Variants in POLD1 observed in about 807,000 individuals in gnomAD.
POLD1 encodes DNA polymerase delta 1, catalytic subunit.
A neutral mutation model predicts 129.7 loss-of-function variants in POLD1; 79 were observed. That is an observed-to-expected ratio of 0.61 (90% CI 0.51 to 0.73). POLD1 has a LOEUF of 0.73. Among genes scored for constraint, POLD1 ranks in the 30% least tolerant of loss-of-function variants. POLD1 has a pLI of 0.00. For synonymous variants in POLD1, 714 were observed against 683.3 expected (o/e 1.04, Z -0.70); for missense variants, 1,338 against 1,595.8 (o/e 0.84, Z 2.75).
chr19:50,401,716 T>G, intron 3 of POLD1, 62 bp from the exon 4 acceptor site: 12 of 1,577,486 alleles, frequency 7.6e-6, no homozygotes, highest in Non-Finnish European at 9.5e-6. Flanking sequence ...TTCGAGGCTG[T>G]GGAGACACAC....
At chr19:50,394,648 C>T (rs1028952572) in intron 1 of POLD1, among the ~76,000 whole-genome samples, 6 of 151,538 alleles carry the variant, frequency 4.0e-5, no homozygotes, top group Admixed American at 1.3e-4. Context: ...AGTGAGACTC[C>T]GTCTAAAAAA....
At chr19:50,413,093 T>C (rs2039143319) in intron 17 of POLD1, among the ~76,000 whole-genome samples, 1 of 151,816 alleles carries the variant, frequency 6.6e-6, no homozygotes, top group Admixed American at 6.6e-5. Flanking sequence ...TCCTGTACCA[T>C]AGAGAGCTGC....
Position 50,406,929 on chromosome 19 carries a change from T to A in POLD1, c.1495-54T>A. The A allele has an allele frequency of 7.3e-7, 1 of 1,371,528 alleles. No individual in the cohort carries two copies. Among genetic ancestry groups the A allele is most frequent in the Non-Finnish European group, 9.9e-7 (1 of 1,006,024 alleles). The allele number at this position is 1,371,528 out of a possible 1,614,324, so 85.0% of individuals were successfully genotyped here. On this transcript the variant is annotated intron_variant, in intron 12 of 26. Coordinates refer to ENST00000440232, the MANE Select transcript of POLD1 (RefSeq NM_002691.4). The surrounding 1 kb of genome is among the most constrained non-coding windows in gnomAD (Gnocchi z 5.5). The stretch of plus-strand genomic sequence containing the variant: ...CCTGACCCCCACTTCCTTCTCCTGC[T>A]CCACCTCCCACCCCCAACCCCTGGT...
chr19:50,417,313 G>A (rs1476878248), intron 26 of POLD1, 44 bp downstream of exon 26: 6 of 1,398,216 alleles, frequency 4.3e-6, no homozygotes, highest in Non-Finnish European at 5.9e-6. Flanking sequence ...CCCCTTCCCA[G>A]CTCCCAGGCC....
chr19:50,401,397 T>TATATAA (rs1568618101), intron 3 of POLD1, among the ~76,000 whole-genome samples: 2 of 72,278 alleles, frequency 2.8e-5, no homozygotes, highest in African/African-American at 1.4e-4. Context: ...ATATATTTTT[T>TATATAA]TTTTTTTTTT....
At chr19:50,385,010 T>C (rs2037922517) in intron 1 of POLD1, among the ~76,000 whole-genome samples, 1 of 152,048 alleles carries the variant, frequency 6.6e-6, no homozygotes, top group South Asian at 2.1e-4. Context: ...GAAACACAGA[T>C]GAGGTCGGAG....
chr19:50,403,159 C>A lies in POLD1; in HGVS notation c.1077C>A (p.Pro359=). The A allele has an allele frequency of 6.4e-7, 1 of 1,561,860 alleles. No individual in the cohort carries two copies. The highest frequency in any genetic ancestry group is 8.7e-7 in the Non-Finnish European group (1 of 1,152,808). Residue 359 remains proline, a synonymous_variant, in exon 9 of 27, where the codon CCC becomes CCA. Transcript: ENST00000440232. ...TACGCCTGGCGCTCACCCTGCGGCC[C>A]TGTGCCCCCATCCTGGGTGCCAAGG... ...PFLRLALTLR[P]CAPILGAKVQ...
At chr19:50,397,451 A>C (rs141341796) in intron 1 of POLD1, among the ~76,000 whole-genome samples, 4,347 of 141,804 alleles carry the variant, frequency 0.031, 224 homozygotes, top group African/African-American at 0.11. Flanking sequence ...GTGGCCCAGG[A>C]TGGAGTACAA....
Position 50,417,969 on chromosome 19 carries a change from CG to C in POLD1, c.*27del. 4 of 1,129,898 alleles carry C rather than the reference CG, an allele frequency of 3.5e-6. No individual in the cohort carries two copies. The highest frequency in any genetic ancestry group is 1.3e-5 in the South Asian group (1 of 79,302). The allele number at this position is 1,129,898 out of a possible 1,614,324, so 70.0% of individuals were successfully genotyped here. A position where few individuals can be genotyped will look rare whatever the true frequency, so the allele number is the denominator to read the frequency against. The stretch of plus-strand genomic sequence containing the variant: ...GTGACCTTGCAAGCATCCCATGGGG[CG>C]GGGGCGGGACCAGGGAGAATTAATA... On this transcript the variant is annotated 3_prime_UTR_variant, in exon 27 of 27. Transcript: ENST00000440232.
In POLD1 at chr19:50,416,471, C is replaced by T. The variant is rs1601246491; in HGVS notation, c.2896C>T (p.Leu966Phe). The T allele has an allele frequency of 1.3e-6, 2 of 1,551,300 alleles. No homozygotes were observed. Among genetic ancestry groups the T allele is most frequent in the Admixed American group, 2.0e-5 (1 of 51,258 alleles). ...CCTGGAGCAGCAGCTGGCCAAGCCC[C>T]TCCTGCGCATCTTCGAGCCCATCCT... ...YYLEQQLAKP[L>F]LRIFEPILGE... The change falls in exon 23 of 27, where the codon CTC becomes TTC. Residue 966 changes from leucine (L) to phenylalanine (F), a missense_variant. Coordinates refer to ENST00000440232, the MANE Select transcript of POLD1 (RefSeq NM_002691.4).
intron 8 of POLD1, 113 bp downstream of exon 8, chr19:50,402,854 C>T (rs2038713558): frequency 7.0e-7 from 1 of 1,434,748 alleles, no homozygotes; most frequent in African/African-American, 1.4e-5. Flanking sequence ...GGCAGGAGCA[C>T]CCCAGCCCAT....
chr19:50,406,580 C>A lies in POLD1; in HGVS notation c.1494+63C>A. The A allele has an allele frequency of 7.9e-7, 1 of 1,258,634 alleles. No individual in the cohort carries two copies. The highest frequency in any genetic ancestry group is 1.1e-6 in the Non-Finnish European group (1 of 883,282). The allele number at this position is 1,258,634 out of a possible 1,614,324, so 78.0% of individuals were successfully genotyped here. On this transcript the variant is annotated intron_variant, in intron 12 of 26. Transcript: ENST00000440232. This position sits in a 1 kb window ranked among gnomAD's most constrained non-coding sequence, Gnocchi z 5.5. ...GACCTCCACCTCACCCTTCCCCGGC[C>A]TCTGACCTCAACTTCACGCCCCCAC...
At position 50,416,708 on chromosome 19, in the gene POLD1, G is replaced by C. The variant is rs745426056; in HGVS notation, c.3052G>C (p.Val1018Leu). 1 of 1,539,796 alleles carries C rather than the reference G, an allele frequency of 6.5e-7. No homozygotes were observed. Among genetic ancestry groups the C allele is most frequent in the South Asian group, 1.2e-5 (1 of 84,064 alleles). ...CAACTGCTGCATTGGCTGCCGCACA[G>C]TGCTCAGCCACCAGGGTGAGCGGCC... Reference protein sequence around the residue: ...RRNCCIGCRTVLSHQGAVCEF... With the variant: ...RRNCCIGCRTLLSHQGAVCEF... Residue 1018 changes from valine to leucine, a missense_variant, in exon 24 of 27, where the codon GTG becomes CTG. Around this residue, in one of 3 missense-constraint regions of POLD1, gnomAD observed 286 missense variants for 277.5 expected, o/e 1.03. Transcript: ENST00000440232.
chr19:50,411,946 G>A (rs1422910212), intron 17 of POLD1, among the ~76,000 whole-genome samples: 1 of 152,092 alleles, frequency 6.6e-6, no homozygotes, highest in African/African-American at 2.4e-5. Flanking sequence ...AGACCAGCCT[G>A]GGCAACATAG....
chr19:50,416,732 C>T lies in POLD1; in HGVS notation c.3067+9C>T, dbSNP rs2122498874. ...AGTGCTCAGCCACCAGGGTGAGCGG[C>T]CCTGGCCACTGGGCCCCCACTGGCC... On this transcript the variant is annotated intron_variant, in intron 24 of 26. Coordinates refer to ENST00000440232, the MANE Select transcript of POLD1 (RefSeq NM_002691.4). 6.6e-7 allele frequency: 1 copy of T among 1,521,910 alleles called. No individual in the cohort carries two copies. Among genetic ancestry groups the T allele is most frequent in the Non-Finnish European group, 8.8e-7 (1 of 1,135,014 alleles). 94.3% of individuals were successfully genotyped at this position (1,521,910 alleles called of 1,614,324 possible).
In POLD1 at chr19:50,407,049, C is replaced by T. The variant is rs1341055535; in HGVS notation, c.1561C>T (p.Arg521Trp). The T allele has an allele frequency of 2.1e-5, 34 of 1,613,610 alleles. No homozygotes were observed. The highest frequency in any genetic ancestry group is 2.2e-5 in the Non-Finnish European group (26 of 1,180,006). Reference protein sequence around the residue: ...YCLKDAYLPLRLLERLMVLVN... With the variant: ...YCLKDAYLPLWLLERLMVLVN... ...CCTGAAGGATGCCTACCTGCCACTG[C>T]GGCTGCTGGAGCGGCTCATGGTGCT... Residue 521 changes from arginine to tryptophan, a missense_variant, in exon 13 of 27, where the codon CGG becomes TGG. This residue lies in a region of POLD1 where 720 missense variants were observed against 1,002.6 expected (regional missense o/e 0.72). Coordinates refer to ENST00000440232, the MANE Select transcript of POLD1 (RefSeq NM_002691.4).
rs931024288 is a variant in POLD1 at position 50,415,975 on chromosome 19, G to A, written c.2820+149G>A. ...CCCATGGCAGCCTGGGTGTGGCCTC[G>A]GCCCCCTCTGGAGGTCCCCCCTCTA... On this transcript the variant is annotated intron_variant, in intron 22 of 26. Transcript: ENST00000440232. The A allele has an allele frequency of 4.1e-4, 253 of 624,554 alleles. 4 individuals are homozygous for A. Among genetic ancestry groups the A allele is most frequent in the South Asian group, 3.2e-3 (161 of 50,536 alleles). 38.7% of individuals were successfully genotyped at this position (624,554 alleles called of 1,614,324 possible).
At chr19:50,417,006 G>A (rs1380511038) in intron 24 of POLD1, 39 bp from the exon 25 acceptor site, 1 of 1,537,946 alleles carries the variant, frequency 6.5e-7, no homozygotes, top group Non-Finnish European at 8.8e-7. Context: ...CCAGTTCCTG[G>A]CTGGGCCCCA....
At chr19:50,400,133 AT>A (rs71182715) in intron 3 of POLD1, among the ~76,000 whole-genome samples, 1,095 of 47,966 alleles carry the variant, frequency 0.023, 8 homozygotes, top group African/African-American at 0.052. Context: ...TTTTTAAAAG[AT>A]TTTTTTTTTT....
Sources: gnomAD v4.1 joint callset for allele counts (sites outside exome capture counted in the v4.1 genomes callset) on GRCh38, gnomAD v4.1.1 for gene constraint, gnomAD v4.1.1 regional missense constraint, Gnocchi (gnomAD v3.1) non-coding constraint, MANE v1.5 for transcripts, NCBI Gene and HGNC (gene_info 2026-07-23, HGNC 2026-07-21) for gene names.